PHTF1: variants seen among roughly 807,000 people sequenced by gnomAD.
PHTF1 encodes the protein protein PHTF1.
PHTF1 carries 88 observed loss-of-function variants against 102.4 expected under a neutral mutation model. That is an observed-to-expected ratio of 0.86 (90% CI 0.72 to 1.03). The LOEUF is 1.03. Among genes scored for constraint, PHTF1 ranks in the 50% least tolerant of loss-of-function variants. PHTF1 has a pLI of 0.00. For missense variants in PHTF1, 814 were observed against 909.5 expected (o/e 0.89, Z 1.35); for synonymous variants, 289 against 305.2 (o/e 0.95, Z 0.55).
At position 113,712,044 on chromosome 1, in the gene PHTF1, T is replaced by C. The variant is rs1651197401; in HGVS notation, c.853A>G (p.Thr285Ala). 1 of 1,613,960 alleles carries C rather than the reference T, an allele frequency of 6.2e-7. No homozygotes were observed. The highest frequency in any genetic ancestry group is 8.5e-7 in the Non-Finnish European group (1 of 1,179,838). The stretch of plus-strand genomic sequence containing the variant: ...CTCCTACGCAATAATATCATCTGTG[T>C]CCGTGCTTCACCATCTTCTTCACTT... ...LSSEEDGEAR[T>A]QMILLRRSVE... is the part of the protein sequence containing the mutation. The change falls in exon 9 of 19, where the codon ACA (threonine) becomes GCA (alanine). Residue 285 changes from threonine to alanine, a missense_variant. Thr to Ala is a moderately conservative substitution (Grantham distance 58). Transcript: ENST00000369604.
At chr1:113,744,775 T>C (rs887284408) in intron 3 of PHTF1, among the ~76,000 whole-genome samples, 3 of 152,064 alleles carry the variant, frequency 2.0e-5, no homozygotes, top group African/African-American at 7.2e-5. Context: ...TAAAACCCTG[T>C]CTCTTATACT....
At position 113,699,547 on chromosome 1, in the gene PHTF1, A is replaced by G. The variant is rs1301018888; in HGVS notation, c.2142+157T>C. 4.5e-6 allele frequency: 3 copies of G among 665,560 alleles called. No individual in the cohort carries two copies. The African/African-American group carries it at 5.4e-5, about 12-fold the overall frequency. 41.2% of individuals were successfully genotyped at this position (665,560 alleles called of 1,614,324 possible). On this transcript the variant is annotated intron_variant, in intron 17 of 18. Transcript: ENST00000369604. Reference sequence around the variant, plus strand: ...CTCTGTGACCTCAGCTCTGGTCCTAACCACCACTGTGACCCCTACCCCTGA... The same window carrying G: ...CTCTGTGACCTCAGCTCTGGTCCTAGCCACCACTGTGACCCCTACCCCTGA...
intron 3 of PHTF1, among the ~76,000 whole-genome samples, chr1:113,752,953 T>C (rs1658312883): frequency 6.6e-6 from 1 of 152,248 alleles, no homozygotes; most frequent in African/African-American, 2.4e-5. Flanking sequence ...ACCTTTACTA[T>C]GTTGAAGAAG....
intron 5 of PHTF1, among the ~76,000 whole-genome samples, chr1:113,732,203 T>C (rs1654758731): frequency 6.6e-6 from 1 of 151,868 alleles, no homozygotes; most frequent in Non-Finnish European, 1.5e-5. Context: ...AGCAGAATAA[T>C]GAAGAAATAC....
chr1:113,755,911 C>CA (rs1658795422), intron 3 of PHTF1, among the ~76,000 whole-genome samples: 1 of 149,656 alleles, frequency 6.7e-6, no homozygotes, highest in Non-Finnish European at 1.5e-5. Context: ...AAAAAAAGTA[C>CA]AAAAAATTAG....
chr1:113,758,516 T>C (rs74861360), intron 2 of PHTF1, 143 bp downstream of exon 2: 1 of 222,188 alleles, frequency 4.5e-6, no homozygotes, highest in Non-Finnish European at 8.3e-6. Flanking sequence ...TTGTACATCT[T>C]TTTTTTTTTT....
chr1:113,721,628 A>C (rs1652955658), intron 7 of PHTF1, among the ~76,000 whole-genome samples: 1 of 152,228 alleles, frequency 6.6e-6, no homozygotes, highest in Admixed American at 6.5e-5. Flanking sequence ...CCACCAAAAA[A>C]CTATCAGAAC....
intron 12 of PHTF1, 32 bp from the exon 13 acceptor site, chr1:113,706,194 T>G (rs1247320739): frequency 1.3e-6 from 2 of 1,556,558 alleles, no homozygotes; most frequent in Non-Finnish European, 8.7e-7. Context: ...CCACCATTAT[T>G]GTGTTAGCTA....
chr1:113,711,134 C>A (rs1231863212), intron 10 of PHTF1, among the ~76,000 whole-genome samples: 3 of 152,030 alleles, frequency 2.0e-5, no homozygotes, highest in Non-Finnish European at 4.4e-5. Flanking sequence ...CACAAAGTGA[C>A]CCCAACTCTA....
intron 2 of PHTF1, among the ~76,000 whole-genome samples, chr1:113,758,226 C>A (rs550174572): frequency 1.2e-4 from 10 of 85,982 alleles, no homozygotes; most frequent in Admixed American, 3.8e-4. Flanking sequence ...AGCGAAACTC[C>A]GTCTCAAAAA....
intron 2 of PHTF1, 145 bp downstream of exon 2, chr1:113,758,514 C>CT (rs200794989): frequency 0.11 from 36,895 of 329,306 alleles, 1,119 homozygotes; most frequent in East Asian, 0.17. Context: ...CCTTGTACAT[C>CT]TTTTTTTTTT....
intron 3 of PHTF1, among the ~76,000 whole-genome samples, chr1:113,756,054 G>A (rs531978523): frequency 2.6e-3 from 375 of 146,352 alleles, no homozygotes; most frequent in African/African-American, 7.8e-3. Flanking sequence ...GTGACAGAGC[G>A]AGACTCTGTC....
Position 113,698,291 on chromosome 1 carries a change from T to C in PHTF1, c.2239A>G (p.Ile747Val), listed in dbSNP as rs762012965. 2 of 1,609,138 alleles carry C rather than the reference T, an allele frequency of 1.2e-6. No individual in the cohort carries two copies. The highest frequency in any genetic ancestry group is 2.2e-5 in the East Asian group (1 of 44,772). The stretch of plus-strand genomic sequence containing the variant: ...ATATTAAATCCTAGAAGATCACTTA[T>C]AACACCTGAGACAGCAGAAAGGATA... ...VVILSAVSGVISDLLGFNIRL... is the reference protein window; with the variant it reads ...VVILSAVSGVVSDLLGFNIRL... Residue 747 changes from isoleucine to valine, a missense_variant, in exon 18 of 19, where the codon ATA becomes GTA. Transcript: ENST00000369604.
At chr1:113,722,713 G>A (rs993557680) in intron 7 of PHTF1, among the ~76,000 whole-genome samples, 6 of 149,224 alleles carry the variant, frequency 4.0e-5, no homozygotes, top group Non-Finnish European at 8.9e-5. Flanking sequence ...AGGAGTTTGA[G>A]ACCAGCCTGG....
intron 3 of PHTF1, among the ~76,000 whole-genome samples, chr1:113,751,291 G>C (rs1474052771): frequency 6.6e-6 from 1 of 152,012 alleles, no homozygotes; most frequent in Non-Finnish European, 1.5e-5. Context: ...AAATAATTTA[G>C]ATTTTTAGTA....
At chr1:113,744,256 C>A (rs1280840499) in intron 3 of PHTF1, among the ~76,000 whole-genome samples, 4 of 152,184 alleles carry the variant, frequency 2.6e-5, no homozygotes, top group Non-Finnish European at 5.9e-5. Context: ...AGCTCAGAAC[C>A]ACTTGACAAA....
At chr1:113,712,145 G>C in intron 8 of PHTF1, 32 bp from the exon 9 acceptor site, 1 of 1,569,082 alleles carries the variant, frequency 6.4e-7, no homozygotes, top group Non-Finnish European at 8.7e-7. Flanking sequence ...CTTCACAGGG[G>C]ACAGCCCAAA....
Position 113,717,116 on chromosome 1 carries a change from AGTTT to A in PHTF1, c.624-3682_624-3679del, listed in dbSNP as rs1652183890. On this transcript the variant is annotated intron_variant, in intron 7 of 18. Coordinates refer to ENST00000369604, the MANE Select transcript of PHTF1 (RefSeq NM_001323043.2). ...TTACTTTTCTCTTTGCTGGTTTATG[AGTTT>A]GTTTGCTTGTTTATGCAATCAGTGT... Among the ~76,000 whole-genome samples, 4 of 152,294 alleles carry A rather than the reference AGTTT, an allele frequency of 2.6e-5. No homozygotes were observed. In the South Asian group the frequency reaches 6.2e-4, roughly 24 times the overall value.
At chr1:113,747,436 A>T (rs531933353) in intron 3 of PHTF1, among the ~76,000 whole-genome samples, 14 of 152,256 alleles carry the variant, frequency 9.2e-5, no homozygotes, top group Non-Finnish European at 1.9e-4. Context: ...AGAGTTCTAT[A>T]TCAATTTTCT....
Sources: gnomAD v4.1 joint callset for allele counts (sites outside exome capture counted in the v4.1 genomes callset) on GRCh38, gnomAD v4.1.1 for gene constraint, MANE v1.5 for transcripts, NCBI Gene and HGNC (gene_info 2026-07-23, HGNC 2026-07-21) for gene names.